ILKAP: variants seen among roughly 807,000 people sequenced by gnomAD.
ILKAP encodes ILK associated serine/threonine phosphatase.
A neutral mutation model predicts 49.1 loss-of-function variants in ILKAP; 11 were observed. The ratio of observed to expected loss-of-function variants is 0.22; its 90% CI spans 0.14 to 0.37. The LOEUF is 0.37. Ranked by LOEUF, ILKAP falls within the 10% of genes least tolerant of loss-of-function variation. ILKAP has a pLI of 1.00. For synonymous variants in ILKAP, 186 were observed against 192.8 expected (o/e 0.96, Z 0.29); for missense variants, 363 against 510.8 (o/e 0.71, Z 2.79).
In ILKAP at chr2:238,194,864, T is replaced by G. The variant is rs1236269316; in HGVS notation, c.62A>C (p.Glu21Ala). ...AAAGAGCAGGGGTCCTTTCTGAGCT[T>G]CTTTCCCTAAAACACAGAAAACCTG... Reference protein sequence around the residue: ...ERSPRPAAGKEAQKGPLLFDD... With the variant: ...ERSPRPAAGKAAQKGPLLFDD... The change falls in exon 2 of 12, where the codon GAA becomes GCA. Residue 21 changes from glutamate (E) to alanine (A), a missense_variant. Around this residue, in one of 3 missense-constraint regions of ILKAP, gnomAD observed 114 missense variants for 116.0 expected, o/e 0.98. Coordinates refer to ENST00000254654, the MANE Select transcript of ILKAP (RefSeq NM_030768.3). The G allele has an allele frequency of 2.5e-6, 4 of 1,613,856 alleles. No homozygotes were observed. The African/African-American group carries it at 5.3e-5, about 22-fold the overall frequency.
At position 238,194,255 on chromosome 2, in the gene ILKAP, G is replaced by C. The variant is rs746238880; in HGVS notation, c.178+20C>G. The C allele has an allele frequency of 6.2e-7, 1 of 1,609,194 alleles. No homozygotes were observed. The highest frequency in any genetic ancestry group is 2.2e-5 in the East Asian group (1 of 44,844). On this transcript the variant is annotated intron_variant, in intron 3 of 11. Transcript: ENST00000254654. ...TATGTATTATTTCCATCAGCACCTT[G>C]GATTTTTCCTACCACTTACCTGAAT...
Position 238,185,528 on chromosome 2 carries a change from G to A in ILKAP, c.426-241C>T, listed in dbSNP as rs992099447. The A allele has an allele frequency of 1.8e-5, 7 of 393,506 alleles. 1 individual carries two copies. Among genetic ancestry groups the A allele is most frequent in the South Asian group, 1.7e-4 (6 of 35,912 alleles). 24.4% of individuals were successfully genotyped at this position (393,506 alleles called of 1,614,324 possible). ...AAAAAAATACTTGTGTGTGGGCCAG[G>A]TGTGGTGGCTCATGCCTGTAATCCC... On this transcript the variant is annotated intron_variant, in intron 5 of 11. Transcript: ENST00000254654.
intron 4 of ILKAP, 57 bp from the exon 5 acceptor site, chr2:238,188,314 C>G (rs72991006): frequency 0.016 from 26,056 of 1,580,538 alleles, 358 homozygotes; most frequent in South Asian, 0.052. Context: ...CTCTGGAAAC[C>G]CTAGTCCCAG....
At chr2:238,192,886 G>C (rs528515373) in intron 3 of ILKAP, among the ~76,000 whole-genome samples, 1 of 151,824 alleles carries the variant, frequency 6.6e-6, no homozygotes, top group Non-Finnish European at 1.5e-5. Flanking sequence ...GGTGGCACAC[G>C]CCTGTAGTCC....
chr2:238,202,339 T>C (rs2106343438), intron 1 of ILKAP, among the ~76,000 whole-genome samples: 1 of 152,158 alleles, frequency 6.6e-6, no homozygotes, highest in Admixed American at 6.5e-5. Flanking sequence ...TGCCCGACAA[T>C]CCCTCCTCAA....
intron 9 of ILKAP, chr2:238,173,920 AC>A: frequency 2.3e-6 from 1 of 444,160 alleles, no homozygotes; most frequent in Non-Finnish European, 4.1e-6. Context: ...GCCCAGCTTA[AC>A]CTTCGACAGG....
chr2:238,174,423 T>C (rs188841648), intron 9 of ILKAP, among the ~76,000 whole-genome samples: 51 of 152,316 alleles, frequency 3.3e-4, no homozygotes, highest in Admixed American at 2.9e-3. Context: ...GGCCCTTGTT[T>C]GTAAAGGCAA....
intron 3 of ILKAP, among the ~76,000 whole-genome samples, chr2:238,193,916 A>G (rs115810322): frequency 6.6e-6 from 1 of 152,362 alleles, no homozygotes; most frequent in African/African-American, 2.4e-5. Context: ...GGTAGAGCCA[A>G]TGCTACTAGC....
intron 5 of ILKAP, chr2:238,186,265 A>G (rs1156984237): frequency 1.3e-5 from 2 of 152,266 alleles, no homozygotes; most frequent in African/African-American, 4.8e-5. Context: ...ACTAAATACC[A>G]TAGGCAGTTG....
intron 3 of ILKAP, among the ~76,000 whole-genome samples, chr2:238,191,848 T>C (rs1189680864): frequency 4.0e-5 from 6 of 149,152 alleles, no homozygotes; most frequent in South Asian, 2.1e-4. Flanking sequence ...GAGGCTGCAG[T>C]GAGCTGAGAT....
intron 3 of ILKAP, among the ~76,000 whole-genome samples, chr2:238,192,691 G>A (rs1377842266): frequency 7.8e-6 from 1 of 127,594 alleles, no homozygotes; most frequent in African/African-American, 3.0e-5. Flanking sequence ...CAGAGAGAGA[G>A]ACAGTCTCAA....
At chr2:238,184,191 TTTTTG>T (rs757880224) in intron 6 of ILKAP, 78 bp from the exon 7 acceptor site, 38 of 892,074 alleles carry the variant, frequency 4.3e-5, no homozygotes, top group East Asian at 1.5e-4. Context: ...TTTGGTTTGT[TTTTTG>T]TTTTATTTTT....
chr2:238,171,159 TC>T (rs1693202627), intron 10 of ILKAP, 135 bp from the exon 11 acceptor site: 12 of 599,550 alleles, frequency 2.0e-5, no homozygotes, highest in Admixed American at 1.0e-4. Flanking sequence ...TTTTCTTTTT[TC>T]TTTTTTTTTT....
intron 9 of ILKAP, among the ~76,000 whole-genome samples, chr2:238,176,103 C>A (rs1174532073): frequency 6.7e-6 from 1 of 150,048 alleles, no homozygotes; most frequent in Non-Finnish European, 1.5e-5. Context: ...TTCCCCCCCA[C>A]CCTCATAATT....
At chr2:238,173,471 G>C (rs1693314979) in intron 10 of ILKAP, 63 bp downstream of exon 10, 10 of 1,582,100 alleles carry the variant, frequency 6.3e-6, no homozygotes, top group Middle Eastern at 1.7e-4. Context: ...ATAGAAACTG[G>C]AAGTGAGGAA....
At chr2:238,185,009 C>T (rs1403929581) in intron 6 of ILKAP, among the ~76,000 whole-genome samples, 172 bp downstream of exon 6, 10 of 152,156 alleles carry the variant, frequency 6.6e-5, no homozygotes, top group Admixed American at 1.3e-4. Context: ...CTAAGTCACA[C>T]CTGCATGGCC....
At position 238,194,785 on chromosome 2, in the gene ILKAP, G is replaced by A. The variant is rs201923342; in HGVS notation, c.121+20C>T. The A allele has an allele frequency of 3.7e-6, 6 of 1,612,184 alleles. No individual in the cohort carries two copies. The highest frequency in any genetic ancestry group is 2.7e-5 in the African/African-American group (2 of 74,890). Reference sequence around the variant, plus strand: ...GAGTAGAGACGTTGACACACACCTGGGAGAGCCTGAAGACTGTACCTGAGT... The same window carrying A: ...GAGTAGAGACGTTGACACACACCTGAGAGAGCCTGAAGACTGTACCTGAGT... On this transcript the variant is annotated intron_variant, in intron 2 of 11. Transcript: ENST00000254654.
chr2:238,201,990 C>T (rs567587012), intron 1 of ILKAP, among the ~76,000 whole-genome samples: 1 of 152,218 alleles, frequency 6.6e-6, no homozygotes, highest in Non-Finnish European at 1.5e-5. Flanking sequence ...TTTGGGAGGC[C>T]GAGGCGGGCG....
chr2:238,172,286 A>T (rs1269191778), intron 10 of ILKAP, among the ~76,000 whole-genome samples: 2 of 152,172 alleles, frequency 1.3e-5, no homozygotes, highest in Non-Finnish European at 2.9e-5. Flanking sequence ...TCCTGACCAC[A>T]GGTGATCCAC....
Sources: gnomAD v4.1 joint callset for allele counts (sites outside exome capture counted in the v4.1 genomes callset) on GRCh38, gnomAD v4.1.1 for gene constraint, gnomAD v4.1.1 regional missense constraint, MANE v1.5 for transcripts, NCBI Gene and HGNC (gene_info 2026-07-23, HGNC 2026-07-21) for gene names.